Variants in JHY observed in about 807,000 individuals in gnomAD.
JHY encodes the protein jhy protein homolog.
In JHY, 69 loss-of-function variants were observed where a neutral mutation model predicts 78.0. The observed-to-expected ratio is 0.88, with a 90% CI of 0.73 to 1.08. JHY has a LOEUF of 1.08. Among genes scored for constraint, JHY ranks in the 50% least tolerant of loss-of-function variants. The probability of loss-of-function intolerance (pLI) is 0.00; values close to 1 mark genes in which losing one functional copy is unlikely to be tolerated. For missense variants in JHY, 944 were observed against 927.8 expected (o/e 1.02, Z -0.23); for synonymous variants, 368 against 342.6 (o/e 1.07, Z -0.82).
chr11:122,945,876 T>G (rs921219782), intron 5 of JHY, among the ~76,000 whole-genome samples: 1 of 152,164 alleles, frequency 6.6e-6, no homozygotes. Flanking sequence ...ACAGACTTGC[T>G]TGTTGTTTCT....
intron 5 of JHY, among the ~76,000 whole-genome samples, chr11:122,944,322 T>C (rs1863925332): frequency 6.6e-6 from 1 of 152,218 alleles, no homozygotes; most frequent in Admixed American, 6.5e-5. Flanking sequence ...CTATATCTTT[T>C]ATATCCTCTA....
At chr11:122,947,243 G>C (rs1863983671) in intron 6 of JHY, 1 of 153,396 alleles carries the variant, frequency 6.5e-6, no homozygotes, top group Non-Finnish European at 1.4e-5. Flanking sequence ...TGTTGCCATT[G>C]CATTTTCCCA....
intron 3 of JHY, among the ~76,000 whole-genome samples, chr11:122,914,814 A>G (rs755981369): frequency 6.6e-6 from 1 of 152,174 alleles, no homozygotes; most frequent in Non-Finnish European, 1.5e-5. Context: ...TAGGAACTCT[A>G]TAGATGTTCA....
intron 3 of JHY, among the ~76,000 whole-genome samples, chr11:122,907,820 T>G: frequency 7.5e-6 from 1 of 133,342 alleles, no homozygotes; most frequent in South Asian, 2.3e-4. Context: ...GCAACAAGAG[T>G]GAAACTCTAT....
intron 4 of JHY, among the ~76,000 whole-genome samples, chr11:122,931,561 T>TCTCGGG (rs1323002615): frequency 6.6e-6 from 1 of 152,188 alleles, no homozygotes; most frequent in Non-Finnish European, 1.5e-5. Context: ...GGAATTTGTA[T>TCTCGGG]CTCGGGCTTA....
intron 6 of JHY, among the ~76,000 whole-genome samples, chr11:122,955,130 T>C (rs745635480): frequency 1.3e-5 from 2 of 152,196 alleles, no homozygotes; most frequent in African/African-American, 2.4e-5. Context: ...GTTGTTGTTG[T>C]TGTTGTTTTA....
chr11:122,912,937 A>G (rs939328859), intron 3 of JHY, among the ~76,000 whole-genome samples: 1 of 152,114 alleles, frequency 6.6e-6, no homozygotes, highest in Non-Finnish European at 1.5e-5. Context: ...AGCTATCGTT[A>G]CCACTAGGCA....
intron 3 of JHY, 151 bp from the exon 4 acceptor site, chr11:122,924,746 C>T: frequency 3.4e-6 from 2 of 584,562 alleles, no homozygotes; most frequent in South Asian, 4.4e-5. Context: ...ACAATCAGGT[C>T]CCTGAGGACT....
intron 6 of JHY, among the ~76,000 whole-genome samples, chr11:122,953,651 A>G (rs1268133819): frequency 6.6e-6 from 1 of 152,038 alleles, no homozygotes; most frequent in Non-Finnish European, 1.5e-5. Flanking sequence ...TTCATAGTGA[A>G]TGGACAATTG....
rs1480618525 is a variant in JHY, at chr11:122,917,842, C to T, written c.865-7055C>T. On this transcript the variant is annotated intron_variant, in intron 3 of 8. Coordinates refer to ENST00000227349, the MANE Select transcript of JHY (RefSeq NM_024806.4). The surrounding 1 kb of genome is among the most constrained non-coding windows in gnomAD (Gnocchi z 4.1). ...TTATATGAGATATTCCTAAAAATCTCTTTCACATTCTTAAAAATGGCCATT... is the reference window on the plus strand; with the variant it reads ...TTATATGAGATATTCCTAAAAATCTTTTTCACATTCTTAAAAATGGCCATT... Among the ~76,000 whole-genome samples, 1 of 152,064 alleles carries T rather than the reference C, an allele frequency of 6.6e-6. No individual in the cohort carries two copies. The highest frequency in any genetic ancestry group is 1.5e-5 in the Non-Finnish European group (1 of 68,026).
intron 5 of JHY, among the ~76,000 whole-genome samples, chr11:122,940,771 A>C (rs973573214): frequency 6.6e-6 from 1 of 152,132 alleles, no homozygotes; most frequent in African/African-American, 2.4e-5. Context: ...ATCAATACCT[A>C]TACATTTATT....
intron 3 of JHY, among the ~76,000 whole-genome samples, chr11:122,922,809 C>CAAAAA (rs571482464): frequency 7.0e-4 from 31 of 44,364 alleles, no homozygotes; most frequent in African/African-American, 1.4e-3. Flanking sequence ...GACTCCGTCT[C>CAAAAA]AAAAAAAAAA....
chr11:122,904,949 A>C (rs932868795), intron 3 of JHY, among the ~76,000 whole-genome samples: 2 of 152,092 alleles, frequency 1.3e-5, no homozygotes, highest in African/African-American at 4.8e-5. Flanking sequence ...CACATACAGA[A>C]GCGATTCTCA....
intron 2 of JHY, 90 bp downstream of exon 2, chr11:122,886,283 A>G (rs1378761334): frequency 1.6e-6 from 2 of 1,266,684 alleles, no homozygotes; most frequent in Non-Finnish European, 2.2e-6. Context: ...AGTAAGGGCA[A>G]GCTGCCCTAA....
intron 3 of JHY, among the ~76,000 whole-genome samples, chr11:122,920,200 C>T (rs1863332681): frequency 1.3e-5 from 2 of 152,122 alleles, no homozygotes; most frequent in Admixed American, 1.3e-4. Flanking sequence ...CACTCCTTAG[C>T]CAAGTTAATG....
Position 122,925,813 on chromosome 11 carries a change from C to T in JHY, c.978+803C>T, listed in dbSNP as rs552887895. On this transcript the variant is annotated intron_variant, in intron 4 of 8. Coordinates refer to ENST00000227349, the MANE Select transcript of JHY (RefSeq NM_024806.4). The stretch of plus-strand genomic sequence containing the variant: ...TGGGTGAATCACAAGGTCAGGAGTT[C>T]GAGACCAGCCCGGCCAATATGGTGA... 5.9e-5 allele frequency among the ~76,000 whole-genome samples: 9 copies of T among 151,856 alleles called. No individual in the cohort carries two copies. In the South Asian group the frequency reaches 1.7e-3, roughly 28 times the overall value.
intron 3 of JHY, among the ~76,000 whole-genome samples, chr11:122,907,855 G>A (rs1228429436): frequency 6.8e-5 from 10 of 147,498 alleles, no homozygotes; most frequent in Non-Finnish European, 1.3e-4. Flanking sequence ...AAAAAAAGGT[G>A]ATTTTTTTTT....
intron 7 of JHY, 80 bp downstream of exon 7, chr11:122,956,656 C>A: frequency 1.8e-6 from 2 of 1,141,284 alleles, no homozygotes; most frequent in African/African-American, 1.5e-5. Context: ...AGACGCCCCC[C>A]AGAATTAAAC....
At chr11:122,887,815 G>C (rs961460727) in intron 2 of JHY, among the ~76,000 whole-genome samples, 24 of 152,128 alleles carry the variant, frequency 1.6e-4, no homozygotes, top group African/African-American at 4.8e-4. Context: ...AATAGACTGA[G>C]TAGGGGTCTG....
Sources: allele counts gnomAD v4.1 joint callset (sites outside exome capture counted in the v4.1 genomes callset), GRCh38; gene constraint gnomAD v4.1.1; non-coding constraint Gnocchi (gnomAD v3.1); transcripts MANE v1.5; gene names NCBI Gene and HGNC (gene_info 2026-07-23, HGNC 2026-07-21).